Variants in SLC1A2 observed in about 807,000 individuals in gnomAD.
The protein encoded by SLC1A2 is excitatory amino acid transporter 2.
SLC1A2 carries 15 observed loss-of-function variants against 48.8 expected under a neutral mutation model. That is an observed-to-expected ratio of 0.31 (90% CI 0.21 to 0.47). The LOEUF (loss-of-function observed/expected upper bound fraction) is 0.47. Among genes scored for constraint, SLC1A2 ranks in the 20% least tolerant of loss-of-function variants. The pLI is 0.99. For missense variants in SLC1A2, 502 were observed against 730.5 expected, an observed-to-expected ratio of 0.69 and a Z score of 3.61; for synonymous variants, 279 against 272.6, an observed-to-expected ratio of 1.02 and a Z score of -0.23.
Position 35,255,098 on chromosome 11 carries a change from A to G in SLC1A2, c.*5796T>C. 3.6e-6 allele frequency: 1 copy of G among 280,844 alleles called. No individual in the cohort carries two copies. The highest frequency in any genetic ancestry group is 3.3e-5 in the South Asian group (1 of 29,892). The allele number at this position is 280,844 out of a possible 1,614,324, so 17.4% of individuals were successfully genotyped here. ...CCAATCCTTTCAGTCCTAGCTTTAC[A>G]TCTTGCCCTTGCAAACCTGAAGAGC... On this transcript the variant is annotated 3_prime_UTR_variant, in exon 11 of 11. Transcript: ENST00000278379.
chr11:35,347,407 G>A (rs139919033), intron 1 of SLC1A2, among the ~76,000 whole-genome samples: 6 of 152,182 alleles, frequency 3.9e-5, no homozygotes, highest in African/African-American at 7.2e-5. Context: ...TTAAAGACCA[G>A]AAAAAGGATC....
chr11:35,361,209 C>G (rs936081137), intron 1 of SLC1A2, among the ~76,000 whole-genome samples: 1 of 152,076 alleles, frequency 6.6e-6, no homozygotes, highest in South Asian at 2.1e-4. Context: ...GGGGTCAAAT[C>G]AGATTTGACA....
chr11:35,312,290 T>C lies in SLC1A2; in HGVS notation c.469A>G (p.Lys157Glu), dbSNP rs1851730752. ...PKLKKQLGPG[K>E]KNDEVSSLDA... Reference sequence around the variant, plus strand: ...AGGCTGGACACTTCATCATTCTTCTTCCCAGGCCCCAGCTGCTTCTTGAGC... The same window carrying C: ...AGGCTGGACACTTCATCATTCTTCTCCCCAGGCCCCAGCTGCTTCTTGAGC... Residue 157 changes from lysine to glutamate, a missense_variant, in exon 4 of 11, where the codon AAG (lysine) becomes GAG (glutamate). Around this residue, in one of 4 missense-constraint regions of SLC1A2, gnomAD observed 309 missense variants for 480.3 expected, o/e 0.64. Transcript: ENST00000278379. 2 of 1,614,094 alleles carry C rather than the reference T, an allele frequency of 1.2e-6. No individual in the cohort carries two copies. The highest frequency in any genetic ancestry group is 1.7e-6 in the Non-Finnish European group (2 of 1,179,994).
Position 35,371,291 on chromosome 11 carries a change from C to T in SLC1A2, c.17+47659G>A, listed in dbSNP as rs543622036. 1.2e-4 allele frequency among the ~76,000 whole-genome samples: 18 copies of T among 152,288 alleles called. 2 individuals carry two copies. In the South Asian group the frequency reaches 3.7e-3, roughly 32 times the overall value. ...ACCAACTTGGCTCCAATCCACATTCCCTCCCTTCCTAGTGACATAGGCAAG... is the reference window on the plus strand; with the variant it reads ...ACCAACTTGGCTCCAATCCACATTCTCTCCCTTCCTAGTGACATAGGCAAG... On this transcript the variant is annotated intron_variant, in intron 1 of 10. Transcript: ENST00000278379.
chr11:35,411,551 G>A (rs138544440), intron 1 of SLC1A2, among the ~76,000 whole-genome samples: 5 of 152,242 alleles, frequency 3.3e-5, no homozygotes, highest in African/African-American at 4.8e-5. Context: ...CAACTCCCAC[G>A]CTCAAGAGAT....
Position 35,256,308 on chromosome 11 carries a change from C to G in SLC1A2, c.*4586G>C, listed in dbSNP as rs1313785896. 1 of 152,206 alleles carries G rather than the reference C, an allele frequency of 6.6e-6. No individual in the cohort carries two copies. The highest frequency in any genetic ancestry group is 1.5e-5 in the Non-Finnish European group (1 of 68,030). 9.4% of individuals were successfully genotyped at this position (152,206 alleles called of 1,614,324 possible). The stretch of plus-strand genomic sequence containing the variant: ...ATCTATTTTAAAACCAAGCCTCACA[C>G]TAACTTGTGTGATGGCTTACTAAGC... On this transcript the variant is annotated 3_prime_UTR_variant, in exon 11 of 11. Transcript: ENST00000278379.
intron 1 of SLC1A2, among the ~76,000 whole-genome samples, chr11:35,369,038 A>G (rs963400255): frequency 2.6e-5 from 4 of 152,224 alleles, no homozygotes; most frequent in Non-Finnish European, 4.4e-5. Flanking sequence ...ATCACTGCCT[A>G]GAGAGAAGAC....
intron 1 of SLC1A2, among the ~76,000 whole-genome samples, chr11:35,406,000 G>A (rs1208835727): frequency 6.6e-6 from 1 of 152,186 alleles, no homozygotes; most frequent in Admixed American, 6.5e-5. Flanking sequence ...AACATTCATC[G>A]TGATAATGAT....
intron 1 of SLC1A2, chr11:35,374,592 G>A (rs1435865400): frequency 5.7e-6 from 1 of 174,040 alleles, no homozygotes; most frequent in Non-Finnish European, 1.2e-5. Flanking sequence ...AAGAAAAAGG[G>A]TTTGTGTATA....
At chr11:35,409,925 A>G (rs2135293810) in intron 1 of SLC1A2, among the ~76,000 whole-genome samples, 1 of 152,216 alleles carries the variant, frequency 6.6e-6, no homozygotes, top group Non-Finnish European at 1.5e-5. Flanking sequence ...AAATAAATAA[A>G]TAAACAAATA....
rs1950294207 is a variant in SLC1A2, at chr11:35,254,988, G to A, written c.*5906C>T. The A allele has an allele frequency of 3.5e-6, 1 of 287,318 alleles. No individual in the cohort carries two copies. The highest frequency in any genetic ancestry group is 6.9e-6 in the Non-Finnish European group (1 of 145,358). The allele number at this position is 287,318 out of a possible 1,614,324, so 17.8% of individuals were successfully genotyped here. A position where few individuals can be genotyped will look rare whatever the true frequency, so the allele number is the denominator to read the frequency against. ...TCACTTTTCTACAGGTTCTTATCTG[G>A]GTCAATGAAGAAATTGTGTTTATCT... On this transcript the variant is annotated 3_prime_UTR_variant, in exon 11 of 11. Coordinates refer to ENST00000278379, the MANE Select transcript of SLC1A2 (RefSeq NM_004171.4).
intron 1 of SLC1A2, among the ~76,000 whole-genome samples, chr11:35,414,962 C>T (rs1257631838): frequency 6.6e-6 from 1 of 152,154 alleles, no homozygotes; most frequent in African/African-American, 2.4e-5. Context: ...GACATCAGGG[C>T]ATTGTGTGAC....
rs1950233549 is a variant in SLC1A2 at position 35,251,230 on chromosome 11, G to T, written c.*9664C>A. 1 of 152,606 alleles carries T rather than the reference G, an allele frequency of 6.6e-6. No individual in the cohort carries two copies. Among genetic ancestry groups the T allele is most frequent in the Non-Finnish European group, 1.5e-5 (1 of 68,018 alleles). 9.5% of individuals were successfully genotyped at this position (152,606 alleles called of 1,614,324 possible). ...TAAATTGAAATCCACATTTATTGAT[G>T]AGAGATATATACACAAAAGTTAAAA... On this transcript the variant is annotated 3_prime_UTR_variant, in exon 11 of 11. Coordinates refer to ENST00000278379, the MANE Select transcript of SLC1A2 (RefSeq NM_004171.4).
At chr11:35,375,544 C>T (rs905611302) in intron 1 of SLC1A2, among the ~76,000 whole-genome samples, 29 of 152,158 alleles carry the variant, frequency 1.9e-4, no homozygotes, top group African/African-American at 6.8e-4. Context: ...AGCAGGAGGC[C>T]CTGGAGATGG....
chr11:35,278,610 G>A (rs1385921501), intron 9 of SLC1A2, among the ~76,000 whole-genome samples: 1 of 152,132 alleles, frequency 6.6e-6, no homozygotes, highest in African/African-American at 2.4e-5. Flanking sequence ...ATCTTATGGA[G>A]AAGTCAGGCT....
At chr11:35,298,302 C>T (rs752058312) in intron 6 of SLC1A2, 10 of 152,030 alleles carry the variant, frequency 6.6e-5, no homozygotes, top group Non-Finnish European at 1.3e-4. Context: ...ACTGAGCATA[C>T]AGCAAGAAGT....
At chr11:35,343,670 C>T (rs370306882) in intron 1 of SLC1A2, among the ~76,000 whole-genome samples, 58 of 152,178 alleles carry the variant, frequency 3.8e-4, no homozygotes, top group African/African-American at 1.3e-3. Flanking sequence ...AATTTGGGGA[C>T]CTACCCTAGC....
chr11:35,361,368 T>C (rs1853675295), intron 1 of SLC1A2, among the ~76,000 whole-genome samples: 1 of 152,246 alleles, frequency 6.6e-6, no homozygotes, highest in Non-Finnish European at 1.5e-5. Context: ...TTTATTTTTC[T>C]TATGTAAGAA....
chr11:35,350,111 T>C (rs1160803443), intron 1 of SLC1A2, among the ~76,000 whole-genome samples: 1 of 152,182 alleles, frequency 6.6e-6, no homozygotes, highest in Non-Finnish European at 1.5e-5. Flanking sequence ...ATGGTATATA[T>C]TCAATACCTA....
Sources: allele counts gnomAD v4.1 joint callset (sites outside exome capture counted in the v4.1 genomes callset), GRCh38; gene constraint gnomAD v4.1.1; regional missense constraint gnomAD v4.1.1; transcripts MANE v1.5; gene names NCBI Gene and HGNC (gene_info 2026-07-23, HGNC 2026-07-21).